Variants in CENPH observed in about 807,000 individuals in gnomAD.
The protein encoded by CENPH is centromere protein H.
In CENPH, 40 loss-of-function variants were observed where a neutral mutation model predicts 42.9. The observed-to-expected ratio is 0.93, with a 90% CI of 0.72 to 1.21. The LOEUF is 1.21. CENPH is among the 50% of genes most tolerant of loss of function. CENPH has a pLI of 0.00. For missense variants in CENPH, 302 were observed against 292.9 expected, an observed-to-expected ratio of 1.03 and a Z score of -0.23; for synonymous variants, 88 against 96.5, an observed-to-expected ratio of 0.91 and a Z score of 0.52.
In CENPH at chr5:69,189,650, C is replaced by G. The variant is rs1747829704; in HGVS notation, c.16C>G (p.Gln6Glu). The change falls in exon 1 of 9, where the codon CAG becomes GAG. Residue 6 changes from glutamine to glutamate, a missense_variant. Transcript: ENST00000283006. MEEQP[Q>E]MQDADEPADS... ...TCAACCAGCAATGGAGGAGCAGCCC[C>G]AGATGCAAGACGCCGACGAGCCCGC... 1.9e-6 allele frequency: 3 copies of G among 1,602,252 alleles called. No homozygotes were observed. The highest frequency in any genetic ancestry group is 2.2e-5 in the East Asian group (1 of 44,520).
At chr5:69,209,188 T>A (rs1580231858) in intron 8 of CENPH, among the ~76,000 whole-genome samples, 2 of 152,298 alleles carry the variant, frequency 1.3e-5, no homozygotes, top group East Asian at 3.9e-4. Flanking sequence ...CCTAACATTA[T>A]GGAGATCAAG....
At chr5:69,192,076 A>C (rs763447828) in intron 2 of CENPH, among the ~76,000 whole-genome samples, 1 of 152,130 alleles carries the variant, frequency 6.6e-6, no homozygotes, top group Non-Finnish European at 1.5e-5. Context: ...TTTTGTAGAC[A>C]CAGGGTTTTG....
At chr5:69,206,199 T>A (rs1360851981) in intron 7 of CENPH, among the ~76,000 whole-genome samples, 1 of 151,410 alleles carries the variant, frequency 6.6e-6, no homozygotes, top group Non-Finnish European at 1.5e-5. Flanking sequence ...TTTTTTTTTT[T>A]TATACGGAAT....
At chr5:69,203,370 T>A (rs529314663) in intron 7 of CENPH, among the ~76,000 whole-genome samples, 4 of 138,004 alleles carry the variant, frequency 2.9e-5, no homozygotes, top group African/African-American at 7.4e-5. Flanking sequence ...TTTTTTAATA[T>A]GGTATTTTTT....
In CENPH at chr5:69,197,106, C is replaced by T. The variant is rs772260595; in HGVS notation, c.368C>T (p.Ser123Phe). Residue 123 changes from serine to phenylalanine, a missense_variant, in exon 5 of 9, where the codon TCT (serine) becomes TTT (phenylalanine). By Grantham distance (155) the Ser-to-Phe change is radical. Transcript: ENST00000283006. Reference sequence around the variant, plus strand: ...AACCTGGAGAAAATTAGCAGACAGTCTAGGTATGATTTTTTTTTTCTCTGG... The same window carrying T: ...AACCTGGAGAAAATTAGCAGACAGTTTAGGTATGATTTTTTTTTTCTCTGG... ...KKNLEKISRQ[S>F]SVLMDNMKHL... The T allele has an allele frequency of 6.4e-7, 1 of 1,564,374 alleles. No homozygotes were observed. Among genetic ancestry groups the T allele is most frequent in the Non-Finnish European group, 8.6e-7 (1 of 1,160,170 alleles).
chr5:69,207,035 C>A (rs1748171319), intron 7 of CENPH, among the ~76,000 whole-genome samples: 1 of 152,068 alleles, frequency 6.6e-6, no homozygotes, highest in Admixed American at 6.6e-5. Flanking sequence ...GATTCATTTT[C>A]TCCACTGCAT....
Position 69,195,722 on chromosome 5 carries a change from T to G in CENPH, c.245T>G (p.Ile82Ser), listed in dbSNP as rs757027022. The change falls in exon 4 of 9, where the codon ATT (isoleucine) becomes AGT (serine). Residue 82 changes from isoleucine (I) to serine (S), a missense_variant. By Grantham distance (142) the Ile-to-Ser change is moderately radical. Transcript: ENST00000283006. ...TGCTCATGTTTCTTTGATAGTAAAA[T>G]TGAAGACCTGGAAAATGAAATTGAA... ...IMQEKQIEAK[I>S]EDLENEIEEV... 21 of 1,548,416 alleles carry G rather than the reference T, an allele frequency of 1.4e-5. No individual in the cohort carries two copies. In the East Asian group the frequency reaches 1.6e-4, roughly 12 times the overall value.
chr5:69,193,041 G>T (rs931217406), intron 2 of CENPH, among the ~76,000 whole-genome samples: 1 of 151,888 alleles, frequency 6.6e-6, no homozygotes, highest in Non-Finnish European at 1.5e-5. Context: ...AGGTTGCAGT[G>T]ACGCGAGATC....
intron 7 of CENPH, among the ~76,000 whole-genome samples, chr5:69,203,817 C>T (rs1199790589): frequency 6.6e-6 from 1 of 151,138 alleles, no homozygotes; most frequent in African/African-American, 2.4e-5. Context: ...TAGTTTAGAA[C>T]TTTAAATCAC....
chr5:69,197,746 T>C (rs1252812019), intron 5 of CENPH, among the ~76,000 whole-genome samples: 2 of 151,726 alleles, frequency 1.3e-5, no homozygotes, highest in Non-Finnish European at 2.9e-5. Flanking sequence ...GGCACATGTA[T>C]ACATATGTAA....
intron 7 of CENPH, among the ~76,000 whole-genome samples, chr5:69,205,776 T>C (rs1748146454): frequency 2.2e-5 from 3 of 137,492 alleles, no homozygotes; most frequent in Admixed American, 8.0e-5. Flanking sequence ...TGGCACTATC[T>C]CAGCTCACTG....
At chr5:69,208,039 A>G in intron 7 of CENPH, 157 bp from the exon 8 acceptor site, 1 of 443,018 alleles carries the variant, frequency 2.3e-6, no homozygotes. Flanking sequence ...CAGGGAAGTC[A>G]TTTTCAGATC....
rs542739010 is a variant in CENPH, at chr5:69,207,211, C to T, written c.488-985C>T. On this transcript the variant is annotated intron_variant, in intron 7 of 8. Transcript: ENST00000283006. ...TCTTACTTTTTTTTTTTTCCTGAGA[C>T]AGAGTTTCACTCTTGTTGCCCAGGC... Among the ~76,000 whole-genome samples the T allele has an allele frequency of 2.7e-5, 4 of 150,554 alleles. 1 individual carries two copies. The South Asian group carries it at 8.4e-4, about 31-fold the overall frequency.
Position 69,208,336 on chromosome 5 carries a change from A to G in CENPH, c.628A>G (p.Thr210Ala), listed in dbSNP as rs920940389. The change falls in exon 8 of 9, where the codon ACT (threonine) becomes GCT (alanine). Residue 210 changes from threonine to alanine, a missense_variant. Thr to Ala is a moderately conservative substitution (Grantham distance 58). Transcript: ENST00000283006. ...CCTACAGATGGAGATAAAAATTACT[A>G]CTGTTATTCAACATGTGTTCCAGGT... ...QNLQMEIKITTVIQHVFQNLI... is the reference protein window; with the variant it reads ...QNLQMEIKITAVIQHVFQNLI... 2 of 1,594,412 alleles carry G rather than the reference A, an allele frequency of 1.3e-6. No homozygotes were observed. The highest frequency in any genetic ancestry group is 1.7e-6 in the Non-Finnish European group (2 of 1,166,686).
At chr5:69,189,886 T>A (rs1747835643) in intron 1 of CENPH, 118 bp downstream of exon 1, 2 of 1,151,592 alleles carry the variant, frequency 1.7e-6, no homozygotes, top group East Asian at 5.8e-5. Flanking sequence ...TCTCCGTGAT[T>A]GCCTCATTCA....
chr5:69,202,934 G>C lies in CENPH; in HGVS notation c.451G>C (p.Glu151Gln). The change falls in exon 7 of 9, where the codon GAG becomes CAG. Residue 151 changes from glutamate (E) to glutamine (Q), a missense_variant. Coordinates refer to ENST00000283006, the MANE Select transcript of CENPH (RefSeq NM_022909.4). ...MKSQQESWDL[E>Q]EKLLDIRKKR... ...TTAATAACAGGAATCTTGGGATTTAGAGGAAAAACTGCTTGATATTAGAAA... is the reference window on the plus strand; with the variant it reads ...TTAATAACAGGAATCTTGGGATTTACAGGAAAAACTGCTTGATATTAGAAA... 6.3e-7 allele frequency: 1 copy of C among 1,588,694 alleles called. No individual in the cohort carries two copies. The highest frequency in any genetic ancestry group is 8.6e-7 in the Non-Finnish European group (1 of 1,163,166).
intron 7 of CENPH, among the ~76,000 whole-genome samples, chr5:69,205,130 G>A (rs1034642083): frequency 5.9e-5 from 9 of 151,750 alleles, no homozygotes; most frequent in African/African-American, 2.2e-4. Flanking sequence ...ATGTTAGCCA[G>A]GATGGTCTTG....
chr5:69,200,828 T>C (rs1580227395), intron 5 of CENPH, among the ~76,000 whole-genome samples: 1 of 145,328 alleles, frequency 6.9e-6, no homozygotes, highest in South Asian at 2.2e-4. Context: ...AACCTCTGCC[T>C]CCAGGTTCAA....
At chr5:69,208,902 C>T (rs1334846838) in intron 8 of CENPH, among the ~76,000 whole-genome samples, 2 of 152,012 alleles carry the variant, frequency 1.3e-5, no homozygotes, top group African/African-American at 4.8e-5. Context: ...TCAAGCGATT[C>T]TCCTGCCTCA....
Sources: allele counts gnomAD v4.1 joint callset (sites outside exome capture counted in the v4.1 genomes callset), GRCh38; gene constraint gnomAD v4.1.1; transcripts MANE v1.5; gene names NCBI Gene and HGNC (gene_info 2026-07-23, HGNC 2026-07-21).